The following CRACD variants were observed in gnomAD, a reference collection of about 807,000 sequenced individuals.
CRACD encodes capping protein inhibiting regulator of actin dynamics, also known as capping protein-inhibiting regulator of actin dynamics.
A neutral mutation model predicts 106.8 loss-of-function variants in CRACD; 56 were observed. That is an observed-to-expected ratio of 0.52 (90% CI 0.42 to 0.66). The LOEUF is 0.66. Ranked by LOEUF, CRACD falls within the 30% of genes least tolerant of loss-of-function variation. The probability of loss-of-function intolerance (pLI) is 0.00; values close to 1 mark genes in which losing one functional copy is unlikely to be tolerated. For synonymous variants in CRACD, 754 were observed against 670.8 expected, an observed-to-expected ratio of 1.12 and a Z score of -1.92; for missense variants, 1,730 against 1,623.2, an observed-to-expected ratio of 1.07 and a Z score of -1.13.
intron 1 of CRACD, among the ~76,000 whole-genome samples, chr4:56,151,322 C>T (rs367919445): frequency 6.6e-6 from 1 of 152,068 alleles, no homozygotes; most frequent in East Asian, 1.9e-4. Context: ...TTCATATCCT[C>T]ACAAATAGTT....
chr4:56,285,799 A>G (rs559517555), intron 3 of CRACD, among the ~76,000 whole-genome samples: 1 of 152,284 alleles, frequency 6.6e-6, no homozygotes, highest in African/African-American at 2.4e-5. Context: ...CCTGTGAGGT[A>G]GGTCCTATTA....
At chr4:56,138,471 A>AAAAAT (rs987822380) in intron 1 of CRACD, among the ~76,000 whole-genome samples, 1 of 152,178 alleles carries the variant, frequency 6.6e-6, no homozygotes, top group Non-Finnish European at 1.5e-5. Flanking sequence ...TCTCAAAAAG[A>AAAAAT]AAAATAAAAT....
At chr4:56,076,321 A>T (rs765475762) in intron 1 of CRACD, among the ~76,000 whole-genome samples, 1 of 152,162 alleles carries the variant, frequency 6.6e-6, no homozygotes, top group Non-Finnish European at 1.5e-5. Flanking sequence ...ATTCTGTGGC[A>T]CTTTGTTATG....
At chr4:56,136,078 C>T (rs1412117303) in intron 1 of CRACD, among the ~76,000 whole-genome samples, 2 of 151,012 alleles carry the variant, frequency 1.3e-5, no homozygotes, top group Non-Finnish European at 3.0e-5. Flanking sequence ...TGAGATTAAT[C>T]CCTGTTGTTT....
intron 1 of CRACD, among the ~76,000 whole-genome samples, chr4:56,074,582 T>G (rs377082895): frequency 9.9e-5 from 15 of 152,196 alleles, no homozygotes; most frequent in African/African-American, 3.6e-4. Flanking sequence ...TAAGGAGTTT[T>G]GGGGCTGAGA....
At chr4:56,084,692 C>A (rs1733156012) in intron 1 of CRACD, among the ~76,000 whole-genome samples, 2 of 152,080 alleles carry the variant, frequency 1.3e-5, no homozygotes, top group African/African-American at 4.8e-5. Context: ...ACTGCCCTTT[C>A]CTAGTAATTG....
At chr4:56,295,140 G>T (rs1352122930) in intron 3 of CRACD, among the ~76,000 whole-genome samples, 3 of 151,802 alleles carry the variant, frequency 2.0e-5, no homozygotes, top group African/African-American at 7.3e-5. Flanking sequence ...GTGGAACAGA[G>T]GCCAGAAAAA....
At chr4:56,158,666 C>A (rs1211411133) in intron 1 of CRACD, among the ~76,000 whole-genome samples, 5 of 152,134 alleles carry the variant, frequency 3.3e-5, no homozygotes, top group Non-Finnish European at 4.4e-5. Flanking sequence ...GATGATATGT[C>A]AACACAGAGA....
chr4:56,068,694 G>A (rs534463932), intron 1 of CRACD, among the ~76,000 whole-genome samples: 51 of 152,296 alleles, frequency 3.3e-4, no homozygotes, highest in African/African-American at 1.1e-3. Context: ...GGGTGTGAGA[G>A]AATGAGGAAT....
At chr4:56,231,602 T>C (rs1214604671) in intron 2 of CRACD, among the ~76,000 whole-genome samples, 1 of 152,146 alleles carries the variant, frequency 6.6e-6, no homozygotes, top group Non-Finnish European at 1.5e-5. Context: ...TCAACCTAAG[T>C]TGAGATAAAT....
intron 3 of CRACD, among the ~76,000 whole-genome samples, chr4:56,292,760 G>A (rs1056603407): frequency 2.6e-5 from 4 of 152,054 alleles, no homozygotes; most frequent in Admixed American, 6.6e-5. Context: ...TCTTGACCTC[G>A]TGATCCACCT....
intron 1 of CRACD, among the ~76,000 whole-genome samples, chr4:56,087,143 G>T (rs2109815188): frequency 6.6e-6 from 1 of 152,196 alleles, no homozygotes; most frequent in South Asian, 2.1e-4. Flanking sequence ...CTCTGGAGTA[G>T]CTGGGATTAC....
At chr4:56,112,545 G>C (rs531161626) in intron 1 of CRACD, among the ~76,000 whole-genome samples, 1 of 152,228 alleles carries the variant, frequency 6.6e-6, no homozygotes, top group South Asian at 2.1e-4. Flanking sequence ...ACCTCTTCCA[G>C]ACCCCTCAGG....
At chr4:56,147,730 TTTG>T (rs1735437812) in intron 1 of CRACD, among the ~76,000 whole-genome samples, 1 of 152,190 alleles carries the variant, frequency 6.6e-6, no homozygotes, top group African/African-American at 2.4e-5. Flanking sequence ...TTTTCCAAAG[TTTG>T]TTGCACCATT....
intron 3 of CRACD, among the ~76,000 whole-genome samples, chr4:56,280,769 A>G (rs1048163615): frequency 6.6e-6 from 1 of 152,192 alleles, no homozygotes; most frequent in Non-Finnish European, 1.5e-5. Flanking sequence ...CTGGAAAAGG[A>G]AGAATCCACA....
intron 1 of CRACD, among the ~76,000 whole-genome samples, chr4:56,080,689 C>A (rs1158042733): frequency 1.3e-5 from 2 of 152,158 alleles, no homozygotes; most frequent in Non-Finnish European, 2.9e-5. Context: ...AGCTTGCCAA[C>A]TCATTAGGAA....
At chr4:56,274,519 T>C (rs757470689) in intron 3 of CRACD, among the ~76,000 whole-genome samples, 17 of 152,340 alleles carry the variant, frequency 1.1e-4, no homozygotes, top group Non-Finnish European at 1.9e-4. Flanking sequence ...TTATATTCTG[T>C]TAACTTCTTG....
At chr4:56,302,239 G>A (rs1032305291) in intron 4 of CRACD, among the ~76,000 whole-genome samples, 15 of 152,136 alleles carry the variant, frequency 9.9e-5, no homozygotes, top group East Asian at 3.8e-4. Context: ...TTCGCACTTC[G>A]TTGCATTTCA....
At chr4:56,162,967 G>T (rs1470738874) in intron 1 of CRACD, among the ~76,000 whole-genome samples, 2 of 152,192 alleles carry the variant, frequency 1.3e-5, no homozygotes, top group Non-Finnish European at 2.9e-5. Context: ...AAGCAGTGTA[G>T]ACATTACTTT....
Sources: gnomAD v4.1 joint callset for allele counts (sites outside exome capture counted in the v4.1 genomes callset) on GRCh38, gnomAD v4.1.1 for gene constraint, MANE v1.5 for transcripts, NCBI Gene and HGNC (gene_info 2026-07-23, HGNC 2026-07-21) for gene names.